The following PNLIPRP3 variants were observed in gnomAD, a reference collection of about 807,000 sequenced individuals.
PNLIPRP3 encodes pancreatic lipase-related protein 3.
Under a neutral mutation model 52.8 loss-of-function variants are expected in PNLIPRP3, and 58 were observed. The ratio of observed to expected loss-of-function variants is 1.10; its 90% CI spans 0.89 to 1.37. The LOEUF is 1.37. Ranked by LOEUF, PNLIPRP3 falls within the 40% of genes most tolerant of loss-of-function variation. The pLI is 0.00. For synonymous variants in PNLIPRP3, 192 were observed against 185.0 expected, an observed-to-expected ratio of 1.04 and a Z score of -0.31; for missense variants, 593 against 561.6, an observed-to-expected ratio of 1.06 and a Z score of -0.57.
At chr10:116,447,488 G>T (rs1340109331) in intron 4 of PNLIPRP3, among the ~76,000 whole-genome samples, 1 of 152,056 alleles carries the variant, frequency 6.6e-6, no homozygotes, top group African/African-American at 2.4e-5. Context: ...ATGAAACAGA[G>T]ATATATGATT....
At chr10:116,468,669 T>G (rs374250880) in intron 8 of PNLIPRP3, among the ~76,000 whole-genome samples, 5 of 152,222 alleles carry the variant, frequency 3.3e-5, no homozygotes, top group African/African-American at 1.2e-4. Context: ...TGTTCTTTTG[T>G]GTGCAGAGCA....
At chr10:116,463,320 G>A (rs10749215) in intron 7 of PNLIPRP3, among the ~76,000 whole-genome samples, 106,217 of 152,014 alleles carry the variant, frequency 0.7, 39,400 homozygotes, top group Middle Eastern at 0.85. Context: ...ACTGCATCCA[G>A]TTGGGGGCTG....
chr10:116,437,602 T>C (rs948822465), intron 2 of PNLIPRP3, among the ~76,000 whole-genome samples: 3 of 152,136 alleles, frequency 2.0e-5, no homozygotes, highest in Non-Finnish European at 4.4e-5. Flanking sequence ...TTGTACTTCA[T>C]CCTGTAAGCC....
intron 8 of PNLIPRP3, 55 bp downstream of exon 8, chr10:116,466,223 A>G (rs1174838726): frequency 7.6e-7 from 1 of 1,313,474 alleles, no homozygotes. Context: ...TTGAAACACA[A>G]TCATCCAGCT....
intron 5 of PNLIPRP3, among the ~76,000 whole-genome samples, chr10:116,458,319 A>G (rs892817508): frequency 3.3e-5 from 5 of 152,200 alleles, no homozygotes; most frequent in African/African-American, 1.2e-4. Context: ...GTAAGAGGTC[A>G]TGTCTGTCTC....
At chr10:116,473,058 T>A (rs1479429241) in intron 10 of PNLIPRP3, among the ~76,000 whole-genome samples, 1 of 152,240 alleles carries the variant, frequency 6.6e-6, no homozygotes, top group Non-Finnish European at 1.5e-5. Context: ...GGGCAGCTGG[T>A]GATGAATATG....
intron 2 of PNLIPRP3, chr10:116,439,524 G>A: frequency 1.3e-6 from 1 of 795,154 alleles, no homozygotes; most frequent in East Asian, 2.5e-5. Flanking sequence ...TTTTTTCCGG[G>A]CAACTTTAGC....
chr10:116,469,196 CT>C lies in PNLIPRP3; in HGVS notation c.943del (p.Cys315ValfsTer21). ...TTTTCTGTCATCAGGGAAATTGCTT[CT>C]TTTGTTCCAAAGAAGGTTGCCCAAC... ...YTSFKAGNCF[F>X]CSKEGCPTMG... On this transcript the variant is annotated frameshift_variant, in exon 9 of 12. Transcript: ENST00000369230. LOFTEE classifies it high-confidence loss of function. 6.2e-7 allele frequency: 1 copy of C among 1,610,758 alleles called. No homozygotes were observed. Among genetic ancestry groups the C allele is most frequent in the Non-Finnish European group, 8.5e-7 (1 of 1,179,134 alleles).
intron 5 of PNLIPRP3, among the ~76,000 whole-genome samples, chr10:116,459,657 C>T (rs991767246): frequency 4.6e-5 from 7 of 152,290 alleles, no homozygotes; most frequent in Admixed American, 2.6e-4. Context: ...TTCCCAAACA[C>T]GATGCTTTCA....
At chr10:116,443,627 TAACACA>T (rs1477850515) in intron 3 of PNLIPRP3, among the ~76,000 whole-genome samples, 23 of 2,510 alleles carry the variant, frequency 9.2e-3, no homozygotes, top group Middle Eastern at 0.5. Context: ...TTTATATATA[TAACACA>T]TATATATAAC....
Position 116,477,550 on chromosome 10 carries a change from A to T in PNLIPRP3, c.*397A>T, listed in dbSNP as rs535071677. On this transcript the variant is annotated 3_prime_UTR_variant, in exon 12 of 12. Coordinates refer to ENST00000369230, the MANE Select transcript of PNLIPRP3 (RefSeq NM_001011709.3). ...GTATAATAATCATTGTTCTAAAATT[A>T]TATAAAACTATTTGTTATGTTGTTA... is the stretch of plus-strand genomic sequence containing the variant. 6.4e-6 allele frequency: 1 copy of T among 156,624 alleles called. No individual in the cohort carries two copies. The highest frequency in any genetic ancestry group is 2.4e-5 in the African/African-American group (1 of 41,534). The allele number at this position is 156,624 out of a possible 1,614,324, so 9.7% of individuals were successfully genotyped here.
In PNLIPRP3 at chr10:116,429,351, G is replaced by T. The variant is rs140771137; in HGVS notation, c.49+1290G>T. Among the ~76,000 whole-genome samples, 113 of 152,216 alleles carry T rather than the reference G, an allele frequency of 7.4e-4. No homozygotes were observed. The Middle Eastern group carries it at 0.01, about 14-fold the overall frequency. ...AAACACAAAATCTGAAACACTTCTG[G>T]TCCCAAGCGTTTTGGATAAGGGATA... On this transcript the variant is annotated intron_variant, in intron 1 of 11. Transcript: ENST00000369230.
chr10:116,440,900 TG>T (rs1845848745), intron 2 of PNLIPRP3, among the ~76,000 whole-genome samples: 1 of 152,182 alleles, frequency 6.6e-6, no homozygotes, highest in South Asian at 2.1e-4. Context: ...ATGATATCAC[TG>T]GAAATGTAGT....
chr10:116,445,820 G>T (rs1034673020), intron 4 of PNLIPRP3, among the ~76,000 whole-genome samples: 3 of 152,142 alleles, frequency 2.0e-5, no homozygotes, highest in African/African-American at 7.2e-5. Context: ...GCTTAAAGAA[G>T]GAGCAGCTAA....
chr10:116,455,677 C>A, intron 4 of PNLIPRP3, 45 bp from the exon 5 acceptor site: 1 of 1,381,826 alleles, frequency 7.2e-7, no homozygotes, highest in Non-Finnish European at 1.0e-6. Context: ...TAAGCTATTC[C>A]ACCGCTGTTT....
chr10:116,435,813 A>AT (rs1254266516), intron 1 of PNLIPRP3, among the ~76,000 whole-genome samples: 2 of 152,024 alleles, frequency 1.3e-5, no homozygotes, highest in African/African-American at 2.4e-5. Flanking sequence ...TCCTTAGGTA[A>AT]TTTTTTTACA....
chr10:116,453,628 C>T (rs780513137), intron 4 of PNLIPRP3, among the ~76,000 whole-genome samples: 1 of 152,074 alleles, frequency 6.6e-6, no homozygotes, highest in Non-Finnish European at 1.5e-5. Context: ...TGAGTGAGTA[C>T]TTGCTCGGTT....
At chr10:116,440,623 T>G (rs541054227) in intron 2 of PNLIPRP3, among the ~76,000 whole-genome samples, 1 of 152,218 alleles carries the variant, frequency 6.6e-6, no homozygotes, top group Non-Finnish European at 1.5e-5. Flanking sequence ...TAACATACTC[T>G]CTTCTCCAAG....
At chr10:116,448,711 T>TGTTTC (rs1032869364) in intron 4 of PNLIPRP3, among the ~76,000 whole-genome samples, 2 of 151,978 alleles carry the variant, frequency 1.3e-5, no homozygotes, top group African/African-American at 4.8e-5. Flanking sequence ...TGTTTTGTTT[T>TGTTTC]GTTTTGTTTT....
Sources: gnomAD v4.1 joint callset for allele counts (sites outside exome capture counted in the v4.1 genomes callset) on GRCh38, gnomAD v4.1.1 for gene constraint, MANE v1.5 for transcripts, NCBI Gene and HGNC (gene_info 2026-07-23, HGNC 2026-07-21) for gene names.